The following TASOR variants were observed in gnomAD, a reference collection of about 807,000 sequenced individuals.
TASOR encodes the protein protein TASOR.
A neutral mutation model predicts 178.6 loss-of-function variants in TASOR; 53 were observed. The ratio of observed to expected loss-of-function variants is 0.30; its 90% confidence interval spans 0.24 to 0.37. The LOEUF is 0.37. Among genes scored for constraint, TASOR ranks in the 10% least tolerant of loss-of-function variants. TASOR has a pLI of 1.00. For synonymous variants in TASOR, 713 were observed against 696.2 expected, an observed-to-expected ratio of 1.02 and a Z score of -0.38; for missense variants, 1,815 against 1,971.4, an observed-to-expected ratio of 0.92 and a Z score of 1.50.
At chr3:56,645,358 A>G (rs1360698955) in intron 14 of TASOR, among the ~76,000 whole-genome samples, 1 of 152,190 alleles carries the variant, frequency 6.6e-6, no homozygotes, top group Non-Finnish European at 1.5e-5. Context: ...GTGTAAAAAG[A>G]CACTGATCTG....
Position 56,660,839 on chromosome 3 carries a change from C to A in TASOR, c.1265-5G>T. ...AATACATTCCATTCTTCAAAACTGA[C>A]ATAAGAAAAATACATAGTAAATATC... On this transcript the variant is annotated splice_polypyrimidine_tract_variant and splice_region_variant and intron_variant, in intron 10 of 23. Transcript: ENST00000683822. 1.9e-6 allele frequency: 3 copies of A among 1,612,808 alleles called. No individual in the cohort carries two copies. Among genetic ancestry groups the A allele is most frequent in the Non-Finnish European group, 2.5e-6 (3 of 1,179,570 alleles).
intron 15 of TASOR, among the ~76,000 whole-genome samples, chr3:56,640,763 A>G (rs1303539925): frequency 6.6e-6 from 1 of 152,240 alleles, no homozygotes; most frequent in East Asian, 1.9e-4. Flanking sequence ...CCAGTGATGC[A>G]GTGACTGCTT....
chr3:56,646,879 T>C lies in TASOR; in HGVS notation c.1858A>G (p.Lys620Glu), dbSNP rs749504576. 6.2e-7 allele frequency: 1 copy of C among 1,606,668 alleles called. No homozygotes were observed. Among genetic ancestry groups the C allele is most frequent in the Non-Finnish European group, 8.5e-7 (1 of 1,178,294 alleles). ...EVYQLPICKL[K>E]ELFEENRKLQ... is the part of the protein sequence containing the mutation. The stretch of plus-strand genomic sequence containing the variant: ...TTTCTATTTTCTTCAAATAGTTCTT[T>C]TAATTTACAAATAGGTAACTGATAC... Residue 620 changes from lysine (K) to glutamate (E), a missense_variant, in exon 14 of 24, where the codon AAA becomes GAA. Lys to Glu is a moderately conservative substitution (Grantham distance 56). Around this residue, in one of 5 missense-constraint regions of TASOR, gnomAD observed 504 missense variants for 645.3 expected, o/e 0.78. Transcript: ENST00000683822.
chr3:56,652,087 A>G (rs1328022920), intron 11 of TASOR, among the ~76,000 whole-genome samples: 2 of 152,200 alleles, frequency 1.3e-5, no homozygotes, highest in African/African-American at 4.8e-5. Flanking sequence ...CGAACGCCAC[A>G]TATTCTTGAC....
At chr3:56,628,245 A>G (rs569725287) in intron 19 of TASOR, among the ~76,000 whole-genome samples, 5 of 152,314 alleles carry the variant, frequency 3.3e-5, no homozygotes, top group African/African-American at 1.2e-4. Flanking sequence ...AGCAGACCCA[A>G]TGGCATTCAA....
intron 7 of TASOR, among the ~76,000 whole-genome samples, chr3:56,664,869 C>CA (rs971710547): frequency 7.3e-5 from 11 of 151,534 alleles, no homozygotes; most frequent in African/African-American, 2.2e-4. Flanking sequence ...AACAGAAAAC[C>CA]AAAAAAAAGG....
chr3:56,652,277 ATAC>A (rs2077368272), intron 11 of TASOR, among the ~76,000 whole-genome samples: 1 of 152,232 alleles, frequency 6.6e-6, no homozygotes, highest in Non-Finnish European at 1.5e-5. Flanking sequence ...ATAGAATTAT[ATAC>A]TTTAAAATGG....
intron 18 of TASOR, among the ~76,000 whole-genome samples, chr3:56,630,077 T>C (rs1013300613): frequency 5.3e-5 from 8 of 151,914 alleles, no homozygotes; most frequent in African/African-American, 1.9e-4. Context: ...ACCATTCTCC[T>C]GCCTCAGCCT....
At chr3:56,674,053 C>T (rs562780295) in intron 1 of TASOR, among the ~76,000 whole-genome samples, 33 of 152,194 alleles carry the variant, frequency 2.2e-4, no homozygotes, top group African/African-American at 7.9e-4. Flanking sequence ...TTATACTCAA[C>T]TTAGCTCCTA....
Position 56,664,576 on chromosome 3 carries a change from A to G in TASOR, c.1023-1004T>C, listed in dbSNP as rs930129358. Among the ~76,000 whole-genome samples the G allele has an allele frequency of 4.6e-5, 7 of 152,356 alleles. 1 individual carries two copies. Among genetic ancestry groups the G allele is most frequent in the Admixed American group, 1.3e-4 (2 of 15,300 alleles). ...AGATAATTTGATCTGGAAAACTGAC[A>G]AAGAGGTCAACCTCAAAAATGTACA... On this transcript the variant is annotated intron_variant, in intron 7 of 23. Coordinates refer to ENST00000683822, the MANE Select transcript of TASOR (RefSeq NM_001365635.2).
intron 8 of TASOR, among the ~76,000 whole-genome samples, chr3:56,662,877 T>A (rs2077627659): frequency 6.6e-6 from 1 of 152,178 alleles, no homozygotes; most frequent in Non-Finnish European, 1.5e-5. Context: ...GTGTTTTCAT[T>A]ATAAAGAAAC....
At chr3:56,660,083 G>A (rs556306262) in intron 11 of TASOR, among the ~76,000 whole-genome samples, 18 of 151,892 alleles carry the variant, frequency 1.2e-4, no homozygotes, top group South Asian at 2.1e-4. Flanking sequence ...GGATGGTCCC[G>A]ATCTCCTGAT....
intron 14 of TASOR, among the ~76,000 whole-genome samples, chr3:56,645,134 C>T (rs1325252819): frequency 6.6e-6 from 1 of 152,118 alleles, no homozygotes; most frequent in African/African-American, 2.4e-5. Context: ...ATTAGCCAGG[C>T]ACAGTAGTAC....
intron 18 of TASOR, among the ~76,000 whole-genome samples, chr3:56,632,680 T>A (rs1036448365): frequency 1.3e-5 from 2 of 152,210 alleles, no homozygotes; most frequent in African/African-American, 4.8e-5. Context: ...AGACAGGGTC[T>A]GACTCTATTA....
At chr3:56,666,213 T>C (rs1039236855) in intron 7 of TASOR, 47 bp downstream of exon 7, 7 of 1,453,832 alleles carry the variant, frequency 4.8e-6, no homozygotes, top group Middle Eastern at 1.8e-4. Flanking sequence ...ACAGGATCTG[T>C]AGTAGAATTA....
chr3:56,629,138 A>G (rs1326114902), intron 18 of TASOR: 1 of 152,386 alleles, frequency 6.6e-6, no homozygotes, highest in Non-Finnish European at 1.5e-5. Context: ...ACATAGTCAC[A>G]ATGTTACAGA....
rs1415654277 is a variant in TASOR at position 56,624,467 on chromosome 3, C to G, written c.4483+12G>C. ...TCTGCGTTAAAGAAAATGAAAACCA[C>G]TGAAAAGTTACCTGACTGCGACTCA... On this transcript the variant is annotated intron_variant, in intron 23 of 23. Coordinates refer to ENST00000683822, the MANE Select transcript of TASOR (RefSeq NM_001365635.2). The G allele has an allele frequency of 6.2e-7, 1 of 1,608,532 alleles. No homozygotes were observed. Among genetic ancestry groups the G allele is most frequent in the East Asian group, 2.2e-5 (1 of 44,836 alleles).
chr3:56,683,214 G>C lies in TASOR; in HGVS notation c.-208C>G. ...AATGCGCTGCCCGGTCCTCGGAGCCGCTCCTCCCTCGGGCAGTTCTTCTGC... is the reference window on the plus strand; with the variant it reads ...AATGCGCTGCCCGGTCCTCGGAGCCCCTCCTCCCTCGGGCAGTTCTTCTGC... On this transcript the variant is annotated 5_prime_UTR_variant, in exon 1 of 24. Transcript: ENST00000683822. The C allele has an allele frequency of 1.9e-6, 1 of 515,868 alleles. No homozygotes were observed. Among genetic ancestry groups the C allele is most frequent in the Non-Finnish European group, 3.4e-6 (1 of 297,464 alleles). The allele number at this position is 515,868 out of a possible 1,614,324, so 32.0% of individuals were successfully genotyped here. A position where few individuals can be genotyped will look rare whatever the true frequency, so the allele number is the denominator to read the frequency against.
intron 1 of TASOR, among the ~76,000 whole-genome samples, chr3:56,680,426 C>G (rs1174172677): frequency 6.6e-6 from 1 of 152,082 alleles, no homozygotes; most frequent in African/African-American, 2.4e-5. Context: ...AAAGAACTTT[C>G]TGAGTCAAGT....
Sources: gnomAD v4.1 joint callset for allele counts (sites outside exome capture counted in the v4.1 genomes callset) on GRCh38, gnomAD v4.1.1 for gene constraint, gnomAD v4.1.1 regional missense constraint, MANE v1.5 for transcripts, NCBI Gene and HGNC (gene_info 2026-07-23, HGNC 2026-07-21) for gene names.